Variants in ST7 observed in about 807,000 individuals in gnomAD.
ST7 encodes suppressor of tumorigenicity 7 protein.
In ST7, 28 loss-of-function variants were observed where a neutral mutation model predicts 78.7. That is an observed-to-expected ratio of 0.36 (90% CI 0.26 to 0.49). The LOEUF (loss-of-function observed/expected upper bound fraction) is 0.49, where lower values mean the gene tolerates loss of function less well. Ranked by LOEUF, ST7 falls within the 20% of genes least tolerant of loss-of-function variation. The pLI is 0.99. For missense variants in ST7, 418 were observed against 696.0 expected (o/e 0.60, Z 4.49); for synonymous variants, 247 against 249.6 (o/e 0.99, Z 0.10).
At chr7:117,095,201 A>G (rs1411109381) in intron 1 of ST7, among the ~76,000 whole-genome samples, 1 of 152,154 alleles carries the variant, frequency 6.6e-6, no homozygotes, top group African/African-American at 2.4e-5. Context: ...TCATACTCTG[A>G]AGAAGATAGT....
At chr7:117,141,308 C>T (rs1404746762) in intron 9 of ST7, among the ~76,000 whole-genome samples, 1 of 151,988 alleles carries the variant, frequency 6.6e-6, no homozygotes. Context: ...AGAAATTTCT[C>T]TGGAAACACC....
intron 1 of ST7, among the ~76,000 whole-genome samples, chr7:116,992,409 T>G (rs1344604238): frequency 6.6e-6 from 1 of 152,214 alleles, no homozygotes; most frequent in South Asian, 2.1e-4. Flanking sequence ...TTCAACACCA[T>G]GTGGAAGCTT....
intron 1 of ST7, among the ~76,000 whole-genome samples, chr7:117,055,325 C>A (rs1798006540): frequency 6.6e-6 from 1 of 152,138 alleles, no homozygotes; most frequent in Admixed American, 6.5e-5. Context: ...CCCTCAGCCT[C>A]CCAAGTAGCT....
chr7:117,223,475 C>G (rs1424219517), intron 15 of ST7: 2 of 163,720 alleles, frequency 1.2e-5, no homozygotes, highest in African/African-American at 4.8e-5. Flanking sequence ...ACCTCTCAGC[C>G]TTAGCTCTCC....
At chr7:117,046,070 CTG>C (rs1375483016) in intron 1 of ST7, among the ~76,000 whole-genome samples, 1 of 152,174 alleles carries the variant, frequency 6.6e-6, no homozygotes, top group Non-Finnish European at 1.5e-5. Context: ...GATGAGGAAA[CTG>C]TGGTTTAGGG....
At chr7:117,132,100 AGTTTT>A in intron 6 of ST7, 140 bp downstream of exon 6, 2 of 862,574 alleles carry the variant, frequency 2.3e-6, no homozygotes, top group Non-Finnish European at 3.5e-6. Context: ...TATTTAAAAA[AGTTTT>A]TTTTTTAAAT....
intron 1 of ST7, among the ~76,000 whole-genome samples, chr7:117,052,849 G>A (rs772501922): frequency 5.3e-5 from 8 of 152,134 alleles, no homozygotes; most frequent in African/African-American, 1.2e-4. Flanking sequence ...AGCTGAGATC[G>A]CGCCACTGCA....
intron 1 of ST7, among the ~76,000 whole-genome samples, chr7:117,027,386 G>T (rs991372417): frequency 6.8e-6 from 1 of 146,480 alleles, no homozygotes. Context: ...GTTGTGATGA[G>T]CCAAGATCAC....
intron 1 of ST7, among the ~76,000 whole-genome samples, chr7:117,085,035 G>A (rs1800036839): frequency 6.6e-6 from 1 of 152,084 alleles, no homozygotes; most frequent in South Asian, 2.1e-4. Flanking sequence ...CCTGGCGCTT[G>A]TTCCTAAGAA....
chr7:117,139,903 G>A (rs1012501781), intron 9 of ST7, among the ~76,000 whole-genome samples: 4 of 152,118 alleles, frequency 2.6e-5, no homozygotes, highest in African/African-American at 9.7e-5. Flanking sequence ...AGTCACTTTG[G>A]CTCTGAAGGA....
At chr7:117,052,848 C>T (rs547678212) in intron 1 of ST7, among the ~76,000 whole-genome samples, 2 of 152,276 alleles carry the variant, frequency 1.3e-5, no homozygotes, top group East Asian at 3.9e-4. Context: ...GAGCTGAGAT[C>T]GCGCCACTGC....
At chr7:117,221,841 G>A (rs752112407) in intron 14 of ST7, 82 bp from the exon 15 acceptor site, 260 of 1,430,222 alleles carry the variant, frequency 1.8e-4, no homozygotes, top group Non-Finnish European at 2.4e-4. Flanking sequence ...CCCAAGCTCT[G>A]GAGTCAGTGC....
chr7:116,967,454 G>C (rs1214107219), intron 1 of ST7: 3 of 469,854 alleles, frequency 6.4e-6, no homozygotes. Context: ...AGCTTGTGCA[G>C]GTCAGTGTCC....
chr7:117,089,101 C>G (rs1800388357), intron 1 of ST7, among the ~76,000 whole-genome samples: 1 of 152,226 alleles, frequency 6.6e-6, no homozygotes, highest in Non-Finnish European at 1.5e-5. Context: ...TTCCTTTATG[C>G]ACACTCTGTC....
At chr7:117,154,934 A>T (rs1806570945) in intron 9 of ST7, among the ~76,000 whole-genome samples, 1 of 152,092 alleles carries the variant, frequency 6.6e-6, no homozygotes, top group Admixed American at 6.6e-5. Context: ...GTAAGAAGGG[A>T]TGATGGATTC....
At chr7:116,972,589 T>C in intron 1 of ST7, 1 of 1,414,076 alleles carries the variant, frequency 7.1e-7, no homozygotes, top group Non-Finnish European at 9.9e-7. Flanking sequence ...TTGAATTTCC[T>C]GGAGTTCCAT....
chr7:117,209,450 A>G (rs1236718005), intron 12 of ST7, among the ~76,000 whole-genome samples: 3 of 152,240 alleles, frequency 2.0e-5, no homozygotes, highest in Non-Finnish European at 4.4e-5. Flanking sequence ...TGTCTGTTTT[A>G]TAAGGTTTCA....
chr7:117,132,928 G>T (rs1804483295), intron 6 of ST7, among the ~76,000 whole-genome samples: 1 of 151,784 alleles, frequency 6.6e-6, no homozygotes, highest in Admixed American at 6.6e-5. Flanking sequence ...CTTTTGTATT[G>T]TTCACTCAAT....
rs577563584 is a variant in ST7, at chr7:117,082,743, G to C, written c.152-17019G>C. The stretch of plus-strand genomic sequence containing the variant: ...AAGAGCCAGACAGTAAATATTTTCA[G>C]CTTTGCAGGCTGTACAGTTTGTTAC... On this transcript the variant is annotated intron_variant, in intron 1 of 15. Transcript: ENST00000323984. Among the ~76,000 whole-genome samples the C allele has an allele frequency of 1.8e-4, 27 of 152,322 alleles. 1 individual carries two copies. Among genetic ancestry groups the C allele is most frequent in the African/African-American group, 6.0e-4 (25 of 41,574 alleles).
Sources: allele counts gnomAD v4.1 joint callset (sites outside exome capture counted in the v4.1 genomes callset), GRCh38; gene constraint gnomAD v4.1.1; transcripts MANE v1.5; gene names NCBI Gene and HGNC (gene_info 2026-07-23, HGNC 2026-07-21).